ANKRD16: variants seen among roughly 807,000 people sequenced by gnomAD.
ANKRD16 encodes the protein ankyrin repeat domain 16.
A neutral mutation model predicts 37.9 loss-of-function variants in ANKRD16; 35 were observed. The ratio of observed to expected loss-of-function variants is 0.92; its 90% CI spans 0.71 to 1.23. The LOEUF (loss-of-function observed/expected upper bound fraction) is 1.23, where lower values mean the gene tolerates loss of function less well. ANKRD16 is among the 50% of genes most tolerant of loss of function. The pLI is 0.00. For synonymous variants in ANKRD16, 206 were observed against 197.2 expected, an observed-to-expected ratio of 1.04 and a Z score of -0.37; for missense variants, 480 against 469.9, an observed-to-expected ratio of 1.02 and a Z score of -0.20.
rs1286017164 is a variant in ANKRD16 at position 5,868,909 on chromosome 10, A to G, written c.*34-6218T>C. The stretch of plus-strand genomic sequence containing the variant: ...ATTCTTGAAGTCAGCAAGACCAAGA[A>G]CCCACCAGAAGGAATAAATTCTGGA... On this transcript the variant is annotated intron_variant, in intron 7 of 7. Coordinates refer to ENST00000380094, the MANE Select transcript of ANKRD16 (RefSeq NM_019046.3). This position sits in a 1 kb window ranked among gnomAD's most constrained non-coding sequence, Gnocchi z 4.9. Among the ~76,000 whole-genome samples the G allele has an allele frequency of 6.6e-6, 1 of 152,192 alleles. No homozygotes were observed. The highest frequency in any genetic ancestry group is 1.5e-5 in the Non-Finnish European group (1 of 68,038).
chr10:5,877,409 G>A (rs958661733), intron 7 of ANKRD16, among the ~76,000 whole-genome samples: 2 of 152,278 alleles, frequency 1.3e-5, no homozygotes, highest in African/African-American at 2.4e-5. Flanking sequence ...CACCATGCCC[G>A]GTCCTTAGTT....
chr10:5,886,982 G>C (rs899013978), intron 2 of ANKRD16, among the ~76,000 whole-genome samples: 1 of 152,180 alleles, frequency 6.6e-6, no homozygotes, highest in South Asian at 2.1e-4. Flanking sequence ...CACTATGGTA[G>C]GTGTTACTAA....
At chr10:5,867,424 C>T (rs891231214) in intron 7 of ANKRD16, among the ~76,000 whole-genome samples, 26 of 152,162 alleles carry the variant, frequency 1.7e-4, no homozygotes, top group Admixed American at 6.5e-4. Context: ...CTCAAACCTG[C>T]GAGCTATTGG....
chr10:5,872,760 G>A (rs1391854239), intron 7 of ANKRD16, among the ~76,000 whole-genome samples: 2 of 151,850 alleles, frequency 1.3e-5, no homozygotes. Flanking sequence ...ATTTCACCGT[G>A]TTAGCCAAGA....
chr10:5,877,538 A>C (rs1482552394), intron 7 of ANKRD16, among the ~76,000 whole-genome samples: 1 of 152,258 alleles, frequency 6.6e-6, no homozygotes, highest in Non-Finnish European at 1.5e-5. Flanking sequence ...TAGAATATAT[A>C]AAAGTTTTTA....
At position 5,875,110 on chromosome 10, in the gene ANKRD16, C is replaced by CG. The variant is rs1273373070; in HGVS notation, c.*33+2986dup. Among the ~76,000 whole-genome samples, 9 of 151,992 alleles carry CG rather than the reference C, an allele frequency of 5.9e-5. No homozygotes were observed. The East Asian group carries it at 9.6e-4, about 16-fold the overall frequency. ...GAGCAGCAACAACGACGCCAGACTG[C>CG]GGGGGGTGGGAGGTGCCTATGAGCT... On this transcript the variant is annotated intron_variant, in intron 7 of 7. Coordinates refer to ENST00000380094, the MANE Select transcript of ANKRD16 (RefSeq NM_019046.3).
chr10:5,867,210 C>T (rs1028906819), intron 7 of ANKRD16, among the ~76,000 whole-genome samples: 2 of 152,220 alleles, frequency 1.3e-5, no homozygotes, highest in African/African-American at 4.8e-5. Flanking sequence ...AATCCTTAAC[C>T]CAGCAGGTTT....
rs948557834 is a variant in ANKRD16 at position 5,864,306 on chromosome 10, C to A, written c.*34-1615G>T. Among the ~76,000 whole-genome samples the A allele has an allele frequency of 6.6e-6, 1 of 152,036 alleles. No individual in the cohort carries two copies. The highest frequency in any genetic ancestry group is 1.5e-5 in the Non-Finnish European group (1 of 68,008). ...CTAACCTCCCCTGCCCAGAAGGAAACAAGCAAAGAAATCTCCAAGGGACCA... is the reference window on the plus strand; with the variant it reads ...CTAACCTCCCCTGCCCAGAAGGAAAAAAGCAAAGAAATCTCCAAGGGACCA... On this transcript the variant is annotated intron_variant, in intron 7 of 7. Coordinates refer to ENST00000380094, the MANE Select transcript of ANKRD16 (RefSeq NM_019046.3). The surrounding 1 kb of genome is among the most constrained non-coding windows in gnomAD (Gnocchi z 4.4).
Position 5,863,838 on chromosome 10 carries a change from C to T in ANKRD16, c.*34-1147G>A, listed in dbSNP as rs1189573938. Among the ~76,000 whole-genome samples, 1 of 152,144 alleles carries T rather than the reference C, an allele frequency of 6.6e-6. No individual in the cohort carries two copies. The highest frequency in any genetic ancestry group is 1.5e-5 in the Non-Finnish European group (1 of 68,032). On this transcript the variant is annotated intron_variant, in intron 7 of 7. Transcript: ENST00000380094. The surrounding 1 kb of genome is among the most constrained non-coding windows in gnomAD (Gnocchi z 4.7). ...GTAACACTCACTGCGAGGTCCACGG[C>T]TTCATTGTTGAAGTCAGTGAGACCA...
At chr10:5,875,115 G>C (rs1433630006) in intron 7 of ANKRD16, among the ~76,000 whole-genome samples, 1 of 152,108 alleles carries the variant, frequency 6.6e-6, no homozygotes, top group Non-Finnish European at 1.5e-5. Flanking sequence ...GACTGCGGGG[G>C]GTGGGAGGTG....
chr10:5,880,223 T>C (rs811561), intron 6 of ANKRD16, 75 bp downstream of exon 6: 6 of 452,048 alleles, frequency 1.3e-5, no homozygotes. Flanking sequence ...ATTAAAATCA[T>C]TGTTTTAAAT....
At position 5,871,776 on chromosome 10, in the gene ANKRD16, T is replaced by C. The variant is rs1249177966; in HGVS notation, c.*33+6321A>G. On this transcript the variant is annotated intron_variant, in intron 7 of 7. Coordinates refer to ENST00000380094, the MANE Select transcript of ANKRD16 (RefSeq NM_019046.3). This position sits in a 1 kb window ranked among gnomAD's most constrained non-coding sequence, Gnocchi z 4.5. The stretch of plus-strand genomic sequence containing the variant: ...CCTCACCGCTGGCTTCCTCCCTCTG[T>C]GGGCTCCTTTCCCAGTCTGTAAACA... 2.0e-5 allele frequency among the ~76,000 whole-genome samples: 3 copies of C among 152,216 alleles called. No homozygotes were observed. Among genetic ancestry groups the C allele is most frequent in the African/African-American group, 4.8e-5 (2 of 41,460 alleles).
Position 5,869,569 on chromosome 10 carries a change from G to A in ANKRD16, c.*34-6878C>T, listed in dbSNP as rs1842058461. 6.6e-6 allele frequency among the ~76,000 whole-genome samples: 1 copy of A among 152,098 alleles called. No homozygotes were observed. Among genetic ancestry groups the A allele is most frequent in the Admixed American group, 6.6e-5 (1 of 15,266 alleles). ...TTTCCTATTTCACTGAGAAGTCGAA[G>A]CACCTAGAAGACAGCTTGGTGTTTC... On this transcript the variant is annotated intron_variant, in intron 7 of 7. Coordinates refer to ENST00000380094, the MANE Select transcript of ANKRD16 (RefSeq NM_019046.3). The surrounding 1 kb of genome is among the most constrained non-coding windows in gnomAD (Gnocchi z 4.0).
At position 5,865,142 on chromosome 10, in the gene ANKRD16, C is replaced by A. The variant is rs1334916403; in HGVS notation, c.*34-2451G>T. ...TAGTCATGGCCCTCAGACAAACCAA[C>A]CTTGGTGGTTCAGAGAGCACAGAAA... On this transcript the variant is annotated intron_variant, in intron 7 of 7. Transcript: ENST00000380094. This position sits in a 1 kb window ranked among gnomAD's most constrained non-coding sequence, Gnocchi z 4.7. 6.6e-6 allele frequency among the ~76,000 whole-genome samples: 1 copy of A among 152,186 alleles called. No individual in the cohort carries two copies. Among genetic ancestry groups the A allele is most frequent in the African/African-American group, 2.4e-5 (1 of 41,440 alleles).
chr10:5,867,463 G>C (rs1429189415), intron 7 of ANKRD16, among the ~76,000 whole-genome samples: 1 of 152,222 alleles, frequency 6.6e-6, no homozygotes, highest in Non-Finnish European at 1.5e-5. Flanking sequence ...AGTACTTACA[G>C]AATCAGGAAG....
At position 5,878,408 on chromosome 10, in the gene ANKRD16, C is replaced by T; in HGVS notation, c.929-121G>A. 1.1e-6 allele frequency: 1 copy of T among 901,192 alleles called. No individual in the cohort carries two copies. The highest frequency in any genetic ancestry group is 1.6e-6 in the Non-Finnish European group (1 of 616,860). The allele number at this position is 901,192 out of a possible 1,614,324, so 55.8% of individuals were successfully genotyped here. A position where few individuals can be genotyped will look rare whatever the true frequency, so the allele number is the denominator to read the frequency against. On this transcript the variant is annotated intron_variant, in intron 6 of 7. Transcript: ENST00000380094. The surrounding 1 kb of genome is among the most constrained non-coding windows in gnomAD (Gnocchi z 5.1). Reference sequence around the variant, plus strand: ...TTCAATATCTTCCGTAATCCATCTTCACAACTTCACCTATACTAGATCAAA... The same window carrying T: ...TTCAATATCTTCCGTAATCCATCTTTACAACTTCACCTATACTAGATCAAA...
rs71388491 is a variant in ANKRD16 at position 5,871,386 on chromosome 10, C to CAAATAAAT, written c.*33+6703_*33+6710dup. On this transcript the variant is annotated intron_variant, in intron 7 of 7. Coordinates refer to ENST00000380094, the MANE Select transcript of ANKRD16 (RefSeq NM_019046.3). This position sits in a 1 kb window ranked among gnomAD's most constrained non-coding sequence, Gnocchi z 4.5. ...TGGGCGACAGAGCTAGACTCCAACT[C>CAAATAAAT]AAATAAATAAATAAATAAATAAATA... Among the ~76,000 whole-genome samples, 822 of 147,872 alleles carry CAAATAAAT rather than the reference C, an allele frequency of 5.6e-3. 3 individuals are homozygous for CAAATAAAT. The highest frequency in any genetic ancestry group is 0.01 in the Middle Eastern group (3 of 286).
Position 5,889,500 on chromosome 10 carries a change from G to A in ANKRD16, c.-146C>T, listed in dbSNP as rs976665334. On this transcript the variant is annotated 5_prime_UTR_variant, in exon 1 of 8. Transcript: ENST00000380094. ...CGAACCCGGCAGAACCGCCCCTCACGCCCCCGGCTTTGTCCCCGGCAGAGC... is the reference window on the plus strand; with the variant it reads ...CGAACCCGGCAGAACCGCCCCTCACACCCCCGGCTTTGTCCCCGGCAGAGC... 7 of 483,394 alleles carry A rather than the reference G, an allele frequency of 1.4e-5. No homozygotes were observed. Among genetic ancestry groups the A allele is most frequent in the Non-Finnish European group, 2.1e-5 (7 of 339,650 alleles). The allele number at this position is 483,394 out of a possible 1,614,324, so 29.9% of individuals were successfully genotyped here. A position where few individuals can be genotyped will look rare whatever the true frequency, so the allele number is the denominator to read the frequency against.
intron 3 of ANKRD16, among the ~76,000 whole-genome samples, chr10:5,885,008 TTC>T (rs1359029327): frequency 3.3e-5 from 5 of 152,188 alleles, no homozygotes; most frequent in Non-Finnish European, 7.4e-5. Flanking sequence ...AAATTGGGTC[TTC>T]CCATTATTTG....
Sources: allele counts gnomAD v4.1 joint callset (sites outside exome capture counted in the v4.1 genomes callset), GRCh38; gene constraint gnomAD v4.1.1; non-coding constraint Gnocchi (gnomAD v3.1); transcripts MANE v1.5; gene names NCBI Gene and HGNC (gene_info 2026-07-23, HGNC 2026-07-21).